TFPI: variants seen among roughly 807,000 people sequenced by gnomAD.
TFPI encodes tissue factor pathway inhibitor.
TFPI carries 15 observed loss-of-function variants against 34.6 expected under a neutral mutation model. The observed-to-expected ratio is 0.43, with a 90% CI of 0.29 to 0.67. TFPI has a LOEUF of 0.67. Ranked by LOEUF, TFPI falls within the 30% of genes least tolerant of loss-of-function variation. The pLI is 0.15. For synonymous variants in TFPI, 105 were observed against 120.1 expected (o/e 0.87, Z 0.82); for missense variants, 301 against 364.0 (o/e 0.83, Z 1.41).
intron 1 of TFPI, among the ~76,000 whole-genome samples, chr2:187,525,445 T>TCCTTCCTCCCTTCCTTTTTTC (rs1574495505): frequency 2.0e-5 from 3 of 151,904 alleles, no homozygotes; most frequent in East Asian, 3.9e-4. Context: ...TTCCTTTTTT[T>TCCTTCCTCCCTTCCTTTTTTC]CTCCTTCCTC....
At chr2:187,532,902 A>T (rs368548501) in intron 1 of TFPI, among the ~76,000 whole-genome samples, 1 of 152,142 alleles carries the variant, frequency 6.6e-6, no homozygotes, top group African/African-American at 2.4e-5. Context: ...GGGGAGGGGC[A>T]TCCGCCATTA....
rs369648301 is a variant in TFPI at position 187,466,926 on chromosome 2, T to C, written c.*10A>G. 93 of 1,355,672 alleles carry C rather than the reference T, an allele frequency of 6.9e-5. No individual in the cohort carries two copies. Among genetic ancestry groups the C allele is most frequent in the Non-Finnish European group, 8.5e-5 (82 of 961,072 alleles). 84.0% of individuals were successfully genotyped at this position (1,355,672 alleles called of 1,614,324 possible). On this transcript the variant is annotated 3_prime_UTR_variant, in exon 8 of 8. Coordinates refer to ENST00000233156, the MANE Select transcript of TFPI (RefSeq NM_006287.6). ...TTTAGTAGAATTAATGTTACATTGC[T>C]ATAACAAATTCACATATTTTTAACA... is the stretch of plus-strand genomic sequence containing the variant.
intron 6 of TFPI, among the ~76,000 whole-genome samples, chr2:187,468,330 A>C (rs1691838746): frequency 6.6e-6 from 1 of 151,830 alleles, no homozygotes; most frequent in Non-Finnish European, 1.5e-5. Context: ...TTTGTTCACA[A>C]ATATTTGGCT....
At chr2:187,546,475 G>T (rs1335284173) in intron 1 of TFPI, among the ~76,000 whole-genome samples, 1 of 151,740 alleles carries the variant, frequency 6.6e-6, no homozygotes, top group Non-Finnish European at 1.5e-5. Context: ...TGAACCAAAC[G>T]GAGGTTTTCA....
intron 6 of TFPI, among the ~76,000 whole-genome samples, chr2:187,483,147 T>C (rs1375115675): frequency 2.0e-5 from 3 of 152,006 alleles, no homozygotes; most frequent in African/African-American, 7.2e-5. Flanking sequence ...GTTGGCTTGC[T>C]TGCTTAGTTG....
At chr2:187,497,175 AG>A in intron 2 of TFPI, 97 bp from the exon 3 acceptor site, 4 of 1,113,720 alleles carry the variant, frequency 3.6e-6, no homozygotes, top group Non-Finnish European at 5.0e-6. Flanking sequence ...TTTAAGGAAA[AG>A]TACAATAAAA....
chr2:187,539,993 G>C (rs1490308865), intron 1 of TFPI, among the ~76,000 whole-genome samples: 1 of 151,464 alleles, frequency 6.6e-6, no homozygotes, highest in Admixed American at 6.6e-5. Context: ...CCGCCTCCCG[G>C]GTTCAAGCAG....
At chr2:187,505,965 T>G (rs1158857901) in intron 1 of TFPI, among the ~76,000 whole-genome samples, 1 of 151,772 alleles carries the variant, frequency 6.6e-6, no homozygotes, top group African/African-American at 2.4e-5. Context: ...CAGCAAGCCA[T>G]AGCTAAATAG....
chr2:187,543,549 T>G (rs917956637), intron 1 of TFPI, among the ~76,000 whole-genome samples: 3 of 152,242 alleles, frequency 2.0e-5, no homozygotes, highest in Non-Finnish European at 4.4e-5. Context: ...AAAAGAAGTT[T>G]AGTCATCTGG....
intron 1 of TFPI, chr2:187,514,733 A>G (rs1270560124): frequency 6.6e-6 from 1 of 152,214 alleles, no homozygotes; most frequent in African/African-American, 2.4e-5. Context: ...CATCAACCAG[A>G]GGGAGGAAAA....
chr2:187,543,502 A>G (rs1688689543), intron 1 of TFPI, among the ~76,000 whole-genome samples: 1 of 152,236 alleles, frequency 6.6e-6, no homozygotes, highest in African/African-American at 2.4e-5. Flanking sequence ...TAGGTCAATG[A>G]GATTATGAAT....
chr2:187,544,501 A>G (rs1212974417), intron 1 of TFPI: 1 of 152,174 alleles, frequency 6.6e-6, no homozygotes, highest in Non-Finnish European at 1.5e-5. Context: ...ACAAAAATCA[A>G]ACCTCCGTTA....
At chr2:187,469,642 C>T (rs184210727) in intron 6 of TFPI, among the ~76,000 whole-genome samples, 1 of 152,072 alleles carries the variant, frequency 6.6e-6, no homozygotes, top group Non-Finnish European at 1.5e-5. Context: ...AACAGAAATC[C>T]CTAACACAAT....
At chr2:187,483,253 CT>C (rs150692346) in intron 6 of TFPI, among the ~76,000 whole-genome samples, 2,290 of 148,386 alleles carry the variant, frequency 0.015, 53 homozygotes, top group African/African-American at 0.052. Flanking sequence ...AACACTGTTT[CT>C]TTTTTTTTTA....
intron 1 of TFPI, among the ~76,000 whole-genome samples, chr2:187,509,841 T>C (rs1359994982): frequency 1.3e-5 from 2 of 152,212 alleles, no homozygotes; most frequent in Non-Finnish European, 2.9e-5. Context: ...AGAGTTCCTC[T>C]TTAAAAGTTT....
At position 187,503,670 on chromosome 2, in the gene TFPI, A is replaced by T; in HGVS notation, c.99T>A (p.Asp33Glu). 6.2e-7 allele frequency: 1 copy of T among 1,612,948 alleles called. No homozygotes were observed. The change falls in exon 2 of 8, where the codon GAT becomes GAA. Residue 33 changes from aspartate to glutamate, a missense_variant. Transcript: ENST00000233156. Reference protein sequence around the residue: ...PAPLNADSEEDEEHTIITDTE... With the variant: ...PAPLNADSEEEEEHTIITDTE... The stretch of plus-strand genomic sequence containing the variant: ...TACCTGTGATAATTGTGTGTTCTTC[A>T]TCTTCCTCAGAATCAGCATTAAGAG...
rs187157465 is a variant in TFPI, at chr2:187,468,004, T to C, written c.629-72A>G. ...TTCAGGTTTTCGTATTGTATATTGT[T>C]TATAGATTAATGTTGTTGCATGTGT... is the stretch of plus-strand genomic sequence containing the variant. On this transcript the variant is annotated intron_variant, in intron 6 of 7. Coordinates refer to ENST00000233156, the MANE Select transcript of TFPI (RefSeq NM_006287.6). The C allele has an allele frequency of 1.0e-4, 132 of 1,295,818 alleles. No individual in the cohort carries two copies. The African/African-American group carries it at 1.8e-3, about 18-fold the overall frequency. The allele number at this position is 1,295,818 out of a possible 1,614,324, so 80.3% of individuals were successfully genotyped here. A position where few individuals can be genotyped will look rare whatever the true frequency, so the allele number is the denominator to read the frequency against.
chr2:187,552,886 C>T (rs1260100831), intron 1 of TFPI, among the ~76,000 whole-genome samples: 1 of 151,972 alleles, frequency 6.6e-6, no homozygotes, highest in Non-Finnish European at 1.5e-5. Context: ...AAGTTTTACT[C>T]TTATTTTAAA....
At chr2:187,470,273 G>A (rs928146311) in intron 6 of TFPI, among the ~76,000 whole-genome samples, 1 of 152,100 alleles carries the variant, frequency 6.6e-6, no homozygotes, top group African/African-American at 2.4e-5. Flanking sequence ...TAGTTGTTAC[G>A]TCTAAATAGC....
Sources: gnomAD v4.1 joint callset for allele counts (sites outside exome capture counted in the v4.1 genomes callset) on GRCh38, gnomAD v4.1.1 for gene constraint, MANE v1.5 for transcripts, NCBI Gene and HGNC (gene_info 2026-07-23, HGNC 2026-07-21) for gene names.